The following LYPD6 variants were observed in gnomAD, a reference collection of about 807,000 sequenced individuals.
The protein encoded by LYPD6 is ly6/PLAUR domain-containing protein 6.
LYPD6 carries 15 observed loss-of-function variants against 22.7 expected under a neutral mutation model. The observed-to-expected ratio is 0.66, with a 90% confidence interval of 0.44 to 1.02. LYPD6 has a LOEUF of 1.02. Ranked by LOEUF, LYPD6 falls within the 50% of genes least tolerant of loss-of-function variation. LYPD6 has a pLI of 0.00. For missense variants in LYPD6, 189 were observed against 208.4 expected, an observed-to-expected ratio of 0.91 and a Z score of 0.57; for synonymous variants, 72 against 77.5, an observed-to-expected ratio of 0.93 and a Z score of 0.37.
At chr2:149,464,044 A>T in intron 3 of LYPD6, 1 of 389,916 alleles carries the variant, frequency 2.6e-6, no homozygotes, top group Non-Finnish European at 5.0e-6. Flanking sequence ...GGTGTAGAGG[A>T]TCTCCTATTA....
At chr2:149,408,281 A>G (rs1317857619) in intron 1 of LYPD6, among the ~76,000 whole-genome samples, 3 of 152,066 alleles carry the variant, frequency 2.0e-5, no homozygotes, top group South Asian at 4.1e-4. Context: ...AGACAGGGAC[A>G]TTTTCAATAT....
intron 2 of LYPD6, among the ~76,000 whole-genome samples, chr2:149,447,037 C>T (rs772255093): frequency 1.7e-4 from 26 of 152,156 alleles, no homozygotes; most frequent in Non-Finnish European, 3.4e-4. Flanking sequence ...ACAGTTGGCT[C>T]CTGCAGATGA....
At chr2:149,406,550 T>C (rs1305814362) in intron 1 of LYPD6, among the ~76,000 whole-genome samples, 1 of 152,208 alleles carries the variant, frequency 6.6e-6, no homozygotes, top group Non-Finnish European at 1.5e-5. Flanking sequence ...AGACTAGGAT[T>C]GCAACCCCTG....
chr2:149,406,253 C>G (rs553076125), intron 1 of LYPD6, among the ~76,000 whole-genome samples: 21 of 152,088 alleles, frequency 1.4e-4, no homozygotes, highest in Middle Eastern at 6.8e-3. Context: ...ATTAGGTCCA[C>G]TTGGTGCAGA....
intron 1 of LYPD6, among the ~76,000 whole-genome samples, chr2:149,369,460 A>G (rs568761941): frequency 3.3e-5 from 5 of 152,166 alleles, no homozygotes; most frequent in Admixed American, 6.5e-5. Flanking sequence ...CTCCCATCCA[A>G]TTGACTGCCT....
chr2:149,415,646 G>C (rs910346168), intron 1 of LYPD6, among the ~76,000 whole-genome samples: 15 of 151,984 alleles, frequency 9.9e-5, no homozygotes, highest in Admixed American at 1.3e-4. Context: ...AGGAAGGGCT[G>C]GGTAGGCCTT....
chr2:149,364,516 C>T (rs1000544529), intron 1 of LYPD6, among the ~76,000 whole-genome samples: 2 of 151,132 alleles, frequency 1.3e-5, no homozygotes, highest in South Asian at 2.1e-4. Flanking sequence ...CAGATATTCC[C>T]GCCCATGACA....
chr2:149,404,962 A>G (rs1031277884), intron 1 of LYPD6, among the ~76,000 whole-genome samples: 1 of 152,130 alleles, frequency 6.6e-6, no homozygotes, highest in African/African-American at 2.4e-5. Flanking sequence ...GAATTTTGTC[A>G]AAGGCCTTTT....
chr2:149,402,672 T>C (rs1573775064), intron 1 of LYPD6, among the ~76,000 whole-genome samples: 2 of 152,270 alleles, frequency 1.3e-5, no homozygotes, highest in Non-Finnish European at 2.9e-5. Context: ...TGGCTGTTTG[T>C]GTATCTTCTT....
intron 1 of LYPD6, among the ~76,000 whole-genome samples, chr2:149,428,874 G>T (rs1683242900): frequency 6.6e-6 from 1 of 152,178 alleles, no homozygotes; most frequent in African/African-American, 2.4e-5. Context: ...GTTCCTACTT[G>T]TCAATAGGTA....
At chr2:149,352,264 A>G (rs1681372495) in intron 1 of LYPD6, among the ~76,000 whole-genome samples, 1 of 152,168 alleles carries the variant, frequency 6.6e-6, no homozygotes, top group African/African-American at 2.4e-5. Context: ...TGGCAGGTGG[A>G]AGAGGTGTTA....
intron 1 of LYPD6, among the ~76,000 whole-genome samples, chr2:149,362,273 T>C (rs1681586653): frequency 1.3e-5 from 2 of 152,052 alleles, no homozygotes; most frequent in Non-Finnish European, 2.9e-5. Flanking sequence ...GAGGCCTCTA[T>C]GACAAAAAAC....
At chr2:149,375,609 A>G (rs1306738253) in intron 1 of LYPD6, among the ~76,000 whole-genome samples, 1 of 152,126 alleles carries the variant, frequency 6.6e-6, no homozygotes, top group Non-Finnish European at 1.5e-5. Flanking sequence ...CTCTTTGTAT[A>G]TTCTTGTTTC....
chr2:149,440,293 A>G (rs535857394), intron 2 of LYPD6: 32 of 156,830 alleles, frequency 2.0e-4, no homozygotes, highest in African/African-American at 5.7e-4. Flanking sequence ...AGAGCCATAC[A>G]TGAGCTCCCC....
upstream of LYPD6, chr2:149,330,457 G>T (rs112355501): frequency 1.3e-5 from 2 of 149,404 alleles, no homozygotes; most frequent in Admixed American, 6.7e-5. Context: ...CGCTCCCCCC[G>T]CGCGCGCTGA....
chr2:149,407,971 G>C (rs1682760616), intron 1 of LYPD6, among the ~76,000 whole-genome samples: 1 of 152,200 alleles, frequency 6.6e-6, no homozygotes, highest in Non-Finnish European at 1.5e-5. Flanking sequence ...TTCAGCTGCA[G>C]GTCTGTTGGA....
intron 1 of LYPD6, among the ~76,000 whole-genome samples, chr2:149,436,949 G>C (rs897646811): frequency 6.6e-6 from 1 of 152,214 alleles, no homozygotes; most frequent in Non-Finnish European, 1.5e-5. Flanking sequence ...TAACTGTGCA[G>C]ACTCCAAAGC....
intron 2 of LYPD6, chr2:149,439,838 T>C (rs904972337): frequency 6.6e-6 from 1 of 152,232 alleles, no homozygotes; most frequent in African/African-American, 2.4e-5. Context: ...AAACTCGCCA[T>C]ATGTAAAGAA....
chr2:149,429,562 A>G (rs1683267219), intron 1 of LYPD6, among the ~76,000 whole-genome samples: 1 of 152,226 alleles, frequency 6.6e-6, no homozygotes, highest in Non-Finnish European at 1.5e-5. Flanking sequence ...TGTAATTTCT[A>G]GTTAGCTCTT....
Sources: allele counts gnomAD v4.1 joint callset (sites outside exome capture counted in the v4.1 genomes callset), GRCh38; gene constraint gnomAD v4.1.1; transcripts MANE v1.5; gene names NCBI Gene and HGNC (gene_info 2026-07-23, HGNC 2026-07-21).